The following FOXP4 variants were observed in gnomAD, a reference collection of about 807,000 sequenced individuals.
FOXP4 encodes forkhead box P4.
A neutral mutation model predicts 82.6 loss-of-function variants in FOXP4; 25 were observed. That is an observed-to-expected ratio of 0.30 (90% CI 0.22 to 0.42). The LOEUF (loss-of-function observed/expected upper bound fraction) is 0.42, where lower values mean the gene tolerates loss of function less well. Among genes scored for constraint, FOXP4 ranks in the 10% least tolerant of loss-of-function variants. The pLI is 1.00. For missense variants in FOXP4, 785 were observed against 900.9 expected (o/e 0.87, Z 1.65); for synonymous variants, 415 against 388.2 (o/e 1.07, Z -0.81).
At chr6:41,570,114 A>ACACACACACACACACACG (rs1765113215) in intron 2 of FOXP4, 1 of 351,220 alleles carries the variant, frequency 2.8e-6, no homozygotes, top group Admixed American at 3.5e-5. Context: ...ACACACACAC[A>ACACACACACACACACACG]CACGCAGTCA....
rs1192036928 is a variant in FOXP4 at position 41,558,795 on chromosome 6, A to C, written c.-16-6950A>C. 6.6e-6 allele frequency among the ~76,000 whole-genome samples: 1 copy of C among 152,150 alleles called. No individual in the cohort carries two copies. Among genetic ancestry groups the C allele is most frequent in the Admixed American group, 6.5e-5 (1 of 15,280 alleles). ...GACTTTGGATTGGGAAGCATCCTGC[A>C]GTTACTTGTAGGGCCAGGGCTCGTT... On this transcript the variant is annotated intron_variant, in intron 1 of 16. Transcript: ENST00000307972. The surrounding 1 kb of genome is among the most constrained non-coding windows in gnomAD (Gnocchi z 4.0).
In FOXP4 at chr6:41,602,014, A is replaced by G. The variant is rs889078170; in HGVS notation, c.*3078A>G. 6.6e-6 allele frequency: 1 copy of G among 151,660 alleles called. No homozygotes were observed. The highest frequency in any genetic ancestry group is 1.5e-5 in the Non-Finnish European group (1 of 67,936). The allele number at this position is 151,660 out of a possible 1,614,324, so 9.4% of individuals were successfully genotyped here. Reference sequence around the variant, plus strand: ...GGTGAGTCTTTGCTGACCTCTCTCTACTCTCAGGCATGTCTTTTGTCCTTT... The same window carrying G: ...GGTGAGTCTTTGCTGACCTCTCTCTGCTCTCAGGCATGTCTTTTGTCCTTT... On this transcript the variant is annotated 3_prime_UTR_variant, in exon 17 of 17. Coordinates refer to ENST00000307972, the MANE Select transcript of FOXP4 (RefSeq NM_001012426.2).
chr6:41,591,356 G>A lies in FOXP4; in HGVS notation c.1536+34G>A. ...GGCCCCTTCCACCTTCTGGGCCCCA[G>A]TCACCCTTGGACCTGCCATATCCCA... On this transcript the variant is annotated intron_variant, in intron 13 of 16. Coordinates refer to ENST00000307972, the MANE Select transcript of FOXP4 (RefSeq NM_001012426.2). The surrounding 1 kb of genome is among the most constrained non-coding windows in gnomAD (Gnocchi z 4.2). The A allele has an allele frequency of 6.5e-7, 1 of 1,529,704 alleles. No homozygotes were observed. The highest frequency in any genetic ancestry group is 8.9e-7 in the Non-Finnish European group (1 of 1,123,332). The allele number at this position is 1,529,704 out of a possible 1,614,324, so 94.8% of individuals were successfully genotyped here.
chr6:41,598,030 G>A, intron 16 of FOXP4, 80 bp downstream of exon 16: 1 of 1,264,030 alleles, frequency 7.9e-7, no homozygotes, highest in Non-Finnish European at 1.1e-6. Flanking sequence ...CACCCTGGGT[G>A]GGGTTCCCCA....
At chr6:41,549,574 G>A (rs994786136) in intron 1 of FOXP4, among the ~76,000 whole-genome samples, 3 of 152,060 alleles carry the variant, frequency 2.0e-5, no homozygotes, top group Non-Finnish European at 2.9e-5. Context: ...GGAGAGGAAG[G>A]CTTGCTTTTG....
chr6:41,595,507 T>G (rs1766780404), intron 14 of FOXP4, among the ~76,000 whole-genome samples: 1 of 152,280 alleles, frequency 6.6e-6, no homozygotes, highest in African/African-American at 2.4e-5. Flanking sequence ...GGACCAGGTC[T>G]CTGCCCTCCT....
intron 1 of FOXP4, among the ~76,000 whole-genome samples, chr6:41,550,240 C>T (rs972384576): frequency 2.0e-5 from 3 of 152,246 alleles, no homozygotes; most frequent in African/African-American, 4.8e-5. Flanking sequence ...TTAAGCTCTT[C>T]GAACCTCAAT....
chr6:41,577,970 A>G lies in FOXP4; in HGVS notation c.205-16A>G. The G allele has an allele frequency of 6.2e-7, 1 of 1,606,052 alleles. No individual in the cohort carries two copies. Among genetic ancestry groups the G allele is most frequent in the South Asian group, 1.1e-5 (1 of 90,822 alleles). On this transcript the variant is annotated splice_polypyrimidine_tract_variant and intron_variant, in intron 2 of 16. Coordinates refer to ENST00000307972, the MANE Select transcript of FOXP4 (RefSeq NM_001012426.2). ...CAGCCTCCCAGGCCATTGCTGACTCAGCCCCTGTCTTGCAGGCTCTCCAAG... is the reference window on the plus strand; with the variant it reads ...CAGCCTCCCAGGCCATTGCTGACTCGGCCCCTGTCTTGCAGGCTCTCCAAG...
rs980617419 is a variant in FOXP4, at chr6:41,591,789, T to C, written c.1536+467T>C. ...TGGACCAAGAGCCGTGGACCACACA[T>C]TGGGGCACTGACGGCACTCACAGCC... On this transcript the variant is annotated intron_variant, in intron 13 of 16. Coordinates refer to ENST00000307972, the MANE Select transcript of FOXP4 (RefSeq NM_001012426.2). This position sits in a 1 kb window ranked among gnomAD's most constrained non-coding sequence, Gnocchi z 4.2. Among the ~76,000 whole-genome samples the C allele has an allele frequency of 6.6e-6, 1 of 152,086 alleles. No individual in the cohort carries two copies. The highest frequency in any genetic ancestry group is 2.1e-4 in the South Asian group (1 of 4,822).
rs1331341045 is a variant in FOXP4 at position 41,591,803 on chromosome 6, G to A, written c.1536+481G>A. ...TGGACCACACATTGGGGCACTGACGGCACTCACAGCCCTCCCCAGCTCTGC... is the reference window on the plus strand; with the variant it reads ...TGGACCACACATTGGGGCACTGACGACACTCACAGCCCTCCCCAGCTCTGC... On this transcript the variant is annotated intron_variant, in intron 13 of 16. Coordinates refer to ENST00000307972, the MANE Select transcript of FOXP4 (RefSeq NM_001012426.2). The surrounding 1 kb of genome is among the most constrained non-coding windows in gnomAD (Gnocchi z 4.2). Among the ~76,000 whole-genome samples, 1 of 152,172 alleles carries A rather than the reference G, an allele frequency of 6.6e-6. No homozygotes were observed. Among genetic ancestry groups the A allele is most frequent in the Non-Finnish European group, 1.5e-5 (1 of 68,028 alleles).
At position 41,565,983 on chromosome 6, in the gene FOXP4, T is replaced by G. The variant is rs752944901; in HGVS notation, c.204+19T>G. The G allele has an allele frequency of 3.7e-6, 6 of 1,600,172 alleles. No homozygotes were observed. In the Admixed American group the frequency reaches 8.4e-5, roughly 22 times the overall value. On this transcript the variant is annotated intron_variant, in intron 2 of 16. Coordinates refer to ENST00000307972, the MANE Select transcript of FOXP4 (RefSeq NM_001012426.2). The stretch of plus-strand genomic sequence containing the variant: ...GCAACAGGTAGGAACTGGTGCGCCT[T>G]GGGGTATCTGGGAGCGGGAGAGGGG...
intron 1 of FOXP4, among the ~76,000 whole-genome samples, chr6:41,550,921 T>G (rs1185705985): frequency 6.6e-6 from 1 of 152,216 alleles, no homozygotes; most frequent in Non-Finnish European, 1.5e-5. Flanking sequence ...ATGGAAGATT[T>G]TGGCAGCAAG....
intron 2 of FOXP4, among the ~76,000 whole-genome samples, chr6:41,573,847 G>A (rs548913507): frequency 3.9e-5 from 6 of 152,114 alleles, no homozygotes; most frequent in African/African-American, 7.2e-5. Context: ...CTCTCTTGAC[G>A]TCCATGCATG....
chr6:41,580,530 G>C (rs147524696), intron 3 of FOXP4, among the ~76,000 whole-genome samples: 129 of 152,344 alleles, frequency 8.5e-4, no homozygotes, highest in Middle Eastern at 3.4e-3. Context: ...ATGGAGCCAT[G>C]CTTCCCCAGG....
Position 41,588,644 on chromosome 6 carries a change from A to G in FOXP4, c.978A>G (p.Lys326=). 1 of 1,614,042 alleles carries G rather than the reference A, an allele frequency of 6.2e-7. No homozygotes were observed. ...CTCTCCTCCTCTCTTCCCCTTGAAG[A>G]CACCTCAACACAGAGCACGCCCTGG... ...TLCEDLGQFI[K]HLNTEHALDD... Residue 326 remains lysine (K), a splice_region_variant and synonymous_variant, in exon 9 of 17, where the codon AAA becomes AAG. Coordinates refer to ENST00000307972, the MANE Select transcript of FOXP4 (RefSeq NM_001012426.2).
At position 41,590,339 on chromosome 6, in the gene FOXP4, A is replaced by G; in HGVS notation, c.1426A>G (p.Ile476Val). Reference protein sequence around the residue: ...VRPPFTYASLIRQAILETPDR... With the variant: ...VRPPFTYASLVRQAILETPDR... ...GCCCCCCTTCACCTACGCCTCCCTC[A>G]TCCGCCAGGTGAGCAGGGCAGGTAG... The change falls in exon 12 of 17, where the codon ATC (isoleucine) becomes GTC (valine). Residue 476 changes from isoleucine (I) to valine (V), a missense_variant. Ile to Val is a conservative substitution (Grantham distance 29, BLOSUM62 3). Around this residue, in one of 3 missense-constraint regions of FOXP4, gnomAD observed 570 missense variants for 634.0 expected, o/e 0.90. Coordinates refer to ENST00000307972, the MANE Select transcript of FOXP4 (RefSeq NM_001012426.2). The G allele has an allele frequency of 1.9e-6, 3 of 1,613,620 alleles. No homozygotes were observed. The highest frequency in any genetic ancestry group is 2.5e-6 in the Non-Finnish European group (3 of 1,179,890).
chr6:41,567,496 C>A (rs1392137397), intron 2 of FOXP4, among the ~76,000 whole-genome samples: 3 of 152,202 alleles, frequency 2.0e-5, no homozygotes, highest in Non-Finnish European at 4.4e-5. Flanking sequence ...AATATCCTAA[C>A]CTTTACCAAC....
intron 1 of FOXP4, among the ~76,000 whole-genome samples, chr6:41,561,503 A>G (rs1243211221): frequency 2.0e-4 from 31 of 152,182 alleles, no homozygotes; most frequent in Admixed American, 1.7e-3. Flanking sequence ...CAGATGGTCT[A>G]ATTCTCAGAG....
chr6:41,586,687 GGC>G (rs1766142010), intron 5 of FOXP4, among the ~76,000 whole-genome samples: 1 of 152,244 alleles, frequency 6.6e-6, no homozygotes, highest in African/African-American at 2.4e-5. Flanking sequence ...GGCACCCCCA[GGC>G]GTGCACAGCT....
Sources: gnomAD v4.1 joint callset for allele counts (sites outside exome capture counted in the v4.1 genomes callset) on GRCh38, gnomAD v4.1.1 for gene constraint, gnomAD v4.1.1 regional missense constraint, Gnocchi (gnomAD v3.1) non-coding constraint, MANE v1.5 for transcripts, NCBI Gene and HGNC (gene_info 2026-07-23, HGNC 2026-07-21) for gene names.